CADM2: variants seen among roughly 807,000 people sequenced by gnomAD.
The protein encoded by CADM2 is immunoglobulin superfamily member 4D.
In CADM2, 12 loss-of-function variants were observed where a neutral mutation model predicts 49.8. The ratio of observed to expected loss-of-function variants is 0.24; its 90% CI spans 0.15 to 0.39. The LOEUF (loss-of-function observed/expected upper bound fraction) is 0.39, where lower values mean the gene tolerates loss of function less well. Among genes scored for constraint, CADM2 ranks in the 10% least tolerant of loss-of-function variants. The probability of loss-of-function intolerance (pLI) is 1.00; values close to 1 mark genes in which losing one functional copy is unlikely to be tolerated. For missense variants in CADM2, 378 were observed against 492.3 expected (o/e 0.77, Z 2.20); for synonymous variants, 214 against 175.4 (o/e 1.22, Z -1.74).
chr3:86,066,011 A>G (rs969382393), intron 9 of CADM2, among the ~76,000 whole-genome samples: 2 of 152,166 alleles, frequency 1.3e-5, no homozygotes, highest in Admixed American at 6.5e-5. Flanking sequence ...ATTTATATCT[A>G]GAACTGAAAT....
At chr3:85,613,638 A>G (rs910570370) in intron 1 of CADM2, among the ~76,000 whole-genome samples, 10 of 151,646 alleles carry the variant, frequency 6.6e-5, no homozygotes, top group African/African-American at 2.4e-4. Flanking sequence ...AATAACTAAT[A>G]TAATTTTTAA....
intron 6 of CADM2, among the ~76,000 whole-genome samples, chr3:85,926,628 C>A (rs763339440): frequency 3.3e-5 from 5 of 151,698 alleles, no homozygotes; most frequent in Non-Finnish European, 7.4e-5. Context: ...TCTAAATTTC[C>A]GTTAGTACAA....
rs527420858 is a variant in CADM2, at chr3:85,832,891, A to G, written c.238+30695A>G. Among the ~76,000 whole-genome samples the G allele has an allele frequency of 6.6e-5, 10 of 152,038 alleles. No individual in the cohort carries two copies. The South Asian group carries it at 1.5e-3, about 22-fold the overall frequency. Reference sequence around the variant, plus strand: ...CATCCTCATCTTGTTACATCTCTTCAGATGAATGCTTCCAGCTTCCGCTCA... The same window carrying G: ...CATCCTCATCTTGTTACATCTCTTCGGATGAATGCTTCCAGCTTCCGCTCA... On this transcript the variant is annotated intron_variant, in intron 3 of 9. Transcript: ENST00000383699.
chr3:85,295,672 C>T (rs1394637044), intron 1 of CADM2, among the ~76,000 whole-genome samples: 4 of 151,920 alleles, frequency 2.6e-5, no homozygotes, highest in Non-Finnish European at 5.9e-5. Flanking sequence ...TCATCATTCT[C>T]AGTAAACTAT....
intron 1 of CADM2, among the ~76,000 whole-genome samples, chr3:85,594,164 C>T (rs2063183314): frequency 6.6e-6 from 1 of 151,578 alleles, no homozygotes; most frequent in South Asian, 2.1e-4. Flanking sequence ...TATTGTTAAC[C>T]TGAGAATAGT....
At chr3:85,850,956 A>C (rs1463155099) in intron 3 of CADM2, among the ~76,000 whole-genome samples, 3 of 152,142 alleles carry the variant, frequency 2.0e-5, no homozygotes, top group Non-Finnish European at 4.4e-5. Context: ...TGGGAGGGAC[A>C]TTCAAAATTA....
At chr3:85,292,052 T>A (rs2043813951) in intron 1 of CADM2, among the ~76,000 whole-genome samples, 1 of 151,222 alleles carries the variant, frequency 6.6e-6, no homozygotes. Context: ...CCATCTCATG[T>A]GCAGAGACAC....
intron 8 of CADM2, among the ~76,000 whole-genome samples, chr3:86,059,095 CAAAA>C (rs10712762): frequency 7.8e-6 from 1 of 128,588 alleles, no homozygotes. Flanking sequence ...CTCCATCTTA[CAAAA>C]AAAAAAAAAA....
At chr3:85,567,078 C>T (rs963359110) in intron 1 of CADM2, among the ~76,000 whole-genome samples, 3 of 152,134 alleles carry the variant, frequency 2.0e-5, no homozygotes, top group African/African-American at 7.2e-5. Flanking sequence ...CATATTCCTC[C>T]TCTGAGCTTC....
chr3:85,919,158 A>G (rs1718770610), intron 6 of CADM2, among the ~76,000 whole-genome samples: 1 of 152,090 alleles, frequency 6.6e-6, no homozygotes, highest in African/African-American at 2.4e-5. Flanking sequence ...AAATGTGTGT[A>G]AAGTATATTT....
intron 1 of CADM2, among the ~76,000 whole-genome samples, chr3:85,691,415 G>T (rs1269123519): frequency 1.3e-5 from 2 of 152,078 alleles, no homozygotes; most frequent in African/African-American, 4.8e-5. Context: ...CAATATTCTT[G>T]ATTGCTGATT....
At chr3:85,972,246 A>G (rs961322101) in intron 8 of CADM2, among the ~76,000 whole-genome samples, 1 of 151,718 alleles carries the variant, frequency 6.6e-6, no homozygotes, top group Non-Finnish European at 1.5e-5. Flanking sequence ...CTTTCCTCTT[A>G]CAATTGTTTC....
At chr3:85,971,759 T>C (rs1330123622) in intron 8 of CADM2, among the ~76,000 whole-genome samples, 2 of 151,648 alleles carry the variant, frequency 1.3e-5, no homozygotes, top group Non-Finnish European at 2.9e-5. Flanking sequence ...TTTGTCAGTT[T>C]GGAATGTAAA....
chr3:86,012,707 C>A (rs1731690180), intron 8 of CADM2: 2 of 1,070,194 alleles, frequency 1.9e-6, no homozygotes, highest in South Asian at 1.3e-5. Flanking sequence ...AACACCTGAT[C>A]GGCTGGGCGC....
At chr3:85,085,212 A>G (rs1003058011) in intron 1 of CADM2, among the ~76,000 whole-genome samples, 1 of 151,950 alleles carries the variant, frequency 6.6e-6, no homozygotes, top group East Asian at 1.9e-4. Context: ...ACATCTTCCC[A>G]ATTACTTCTA....
At position 85,912,450 on chromosome 3, in the gene CADM2, C is replaced by A. The variant is rs755659572; in HGVS notation, c.607C>A (p.Arg203=). The change falls in exon 6 of 10, where the codon CGG becomes AGG. Residue 203 remains arginine (R), a synonymous_variant. Transcript: ENST00000383699. Reference sequence around the variant, plus strand: ...CAGCACACTGGACTTCCGAGTGGACCGGAGTGATGATGGAGTGGCGGTCAT... The same window carrying A: ...CAGCACACTGGACTTCCGAGTGGACAGGAGTGATGATGGAGTGGCGGTCAT... ...VSSTLDFRVD[R]SDDGVAVICR... is the part of the protein sequence containing the mutation. 7 of 1,613,918 alleles carry A rather than the reference C, an allele frequency of 4.3e-6. No individual in the cohort carries two copies. Among genetic ancestry groups the A allele is most frequent in the African/African-American group, 4.0e-5 (3 of 74,858 alleles).
At chr3:85,264,449 T>G (rs2043077457) in intron 1 of CADM2, among the ~76,000 whole-genome samples, 1 of 152,216 alleles carries the variant, frequency 6.6e-6, no homozygotes, top group African/African-American at 2.4e-5. Flanking sequence ...CTATACTAAT[T>G]ATATCATATC....
At chr3:85,962,577 T>G (rs73134123) in intron 8 of CADM2, among the ~76,000 whole-genome samples, 7,323 of 152,034 alleles carry the variant, frequency 0.048, 274 homozygotes, top group East Asian at 0.12. Context: ...CAATGGGTTT[T>G]TCATAAGGTA....
chr3:85,136,784 A>G (rs2039425126), intron 1 of CADM2, among the ~76,000 whole-genome samples: 1 of 151,958 alleles, frequency 6.6e-6, no homozygotes, highest in Non-Finnish European at 1.5e-5. Flanking sequence ...CAAGCTTACT[A>G]CATTCTGAAC....
Sources: gnomAD v4.1 joint callset for allele counts (sites outside exome capture counted in the v4.1 genomes callset) on GRCh38, gnomAD v4.1.1 for gene constraint, MANE v1.5 for transcripts, NCBI Gene and HGNC (gene_info 2026-07-23, HGNC 2026-07-21) for gene names.